The following DGKI variants were observed in gnomAD, a reference collection of about 807,000 sequenced individuals.
DGKI encodes the protein DAG kinase iota.
Under a neutral mutation model 147.5 loss-of-function variants are expected in DGKI, and 55 were observed. The observed-to-expected ratio is 0.37, with a 90% confidence interval of 0.30 to 0.47. The LOEUF is 0.47. Ranked by LOEUF, DGKI falls within the 20% of genes least tolerant of loss-of-function variation. The pLI, the probability that DGKI is intolerant of heterozygous loss-of-function variation, is 1.00. For missense variants in DGKI, 1,007 were observed against 1,323.8 expected, an observed-to-expected ratio of 0.76 and a Z score of 3.71; for synonymous variants, 469 against 477.1, an observed-to-expected ratio of 0.98 and a Z score of 0.22.
chr7:137,846,200 C>G lies in DGKI; in HGVS notation c.401+262G>C, dbSNP rs1010214777. On this transcript the variant is annotated intron_variant, in intron 1 of 32. Coordinates refer to ENST00000614521, the MANE Select transcript of DGKI (RefSeq NM_001321708.2). The surrounding 1 kb of genome is among the most constrained non-coding windows in gnomAD (Gnocchi z 4.0). Reference sequence around the variant, plus strand: ...ACACACACACACACACACACACACACACAGACAAAATTTCTGTTGCTCTGA... The same window carrying G: ...ACACACACACACACACACACACACAGACAGACAAAATTTCTGTTGCTCTGA... 6.1e-5 allele frequency among the ~76,000 whole-genome samples: 9 copies of G among 146,456 alleles called. No homozygotes were observed. Among genetic ancestry groups the G allele is most frequent in the African/African-American group, 1.1e-4 (4 of 37,314 alleles).
chr7:137,469,318 G>A (rs1305947611), intron 24 of DGKI, among the ~76,000 whole-genome samples: 1 of 152,168 alleles, frequency 6.6e-6, no homozygotes, highest in African/African-American at 2.4e-5. Flanking sequence ...TGAGCAACTT[G>A]ATGCTGAGTT....
chr7:137,643,968 T>C (rs144228358), intron 6 of DGKI, among the ~76,000 whole-genome samples: 12 of 152,236 alleles, frequency 7.9e-5, no homozygotes, highest in African/African-American at 2.6e-4. Context: ...ACCCAAAAAA[T>C]GGCTATGCCT....
At chr7:137,698,184 A>G (rs1194269062) in intron 1 of DGKI, among the ~76,000 whole-genome samples, 1 of 151,884 alleles carries the variant, frequency 6.6e-6, no homozygotes, top group Non-Finnish European at 1.5e-5. Flanking sequence ...ATAGATATAT[A>G]GATAGATCCA....
Position 137,791,083 on chromosome 7 carries a change from C to T in DGKI, c.401+55379G>A, listed in dbSNP as rs188075283. On this transcript the variant is annotated intron_variant, in intron 1 of 32. Coordinates refer to ENST00000614521, the MANE Select transcript of DGKI (RefSeq NM_001321708.2). The stretch of plus-strand genomic sequence containing the variant: ...CAAGTGAGCAATGGCATGTGACAAG[C>T]ACCACATCTCAGTAACTCTCACCTC... Among the ~76,000 whole-genome samples the T allele has an allele frequency of 5.5e-4, 84 of 152,258 alleles. 1 individual carries two copies. Among genetic ancestry groups the T allele is most frequent in the Admixed American group, 4.8e-3 (74 of 15,292 alleles).
chr7:137,548,003 A>G (rs937985439), intron 20 of DGKI, among the ~76,000 whole-genome samples: 1 of 152,198 alleles, frequency 6.6e-6, no homozygotes, highest in African/African-American at 2.4e-5. Flanking sequence ...TCCCTGGAAC[A>G]AAGAGCAAAG....
At chr7:137,746,102 T>C (rs944298712) in intron 1 of DGKI, among the ~76,000 whole-genome samples, 1 of 152,204 alleles carries the variant, frequency 6.6e-6, no homozygotes, top group Admixed American at 6.5e-5. Context: ...CTAACAGAAC[T>C]GTATGTGCAG....
chr7:137,572,723 G>T, intron 18 of DGKI, 42 bp downstream of exon 18: 1 of 1,361,508 alleles, frequency 7.3e-7, no homozygotes, highest in South Asian at 1.3e-5. Context: ...CCTCAAGTCA[G>T]AGTTCACGTC....
intron 27 of DGKI, among the ~76,000 whole-genome samples, chr7:137,458,215 A>T (rs1473490151): frequency 6.6e-6 from 1 of 152,192 alleles, no homozygotes; most frequent in Admixed American, 6.5e-5. Context: ...CACACATTAT[A>T]GTTAAACATT....
Position 137,606,938 on chromosome 7 carries a change from C to A in DGKI, c.1167+2028G>T, listed in dbSNP as rs376205724. On this transcript the variant is annotated intron_variant, in intron 10 of 32. Coordinates refer to ENST00000614521, the MANE Select transcript of DGKI (RefSeq NM_001321708.2). The stretch of plus-strand genomic sequence containing the variant: ...ACAGATTCAATGGTGGACCTGTACC[C>A]CAACAGTGAAGACGCACATAGAGCA... Among the ~76,000 whole-genome samples the A allele has an allele frequency of 5.9e-5, 9 of 152,248 alleles. No individual in the cohort carries two copies. In the East Asian group the frequency reaches 7.7e-4, roughly 13 times the overall value.
intron 1 of DGKI, among the ~76,000 whole-genome samples, chr7:137,711,599 G>C (rs1314591937): frequency 6.7e-6 from 1 of 149,290 alleles, no homozygotes; most frequent in Non-Finnish European, 1.5e-5. Flanking sequence ...GAAGAGCACA[G>C]AATTTGCAGT....
At chr7:137,732,125 A>G (rs1171349374) in intron 1 of DGKI, among the ~76,000 whole-genome samples, 1 of 152,092 alleles carries the variant, frequency 6.6e-6, no homozygotes, top group Non-Finnish European at 1.5e-5. Flanking sequence ...ATCTATATAA[A>G]TATTAGCTAG....
chr7:137,633,066 C>T (rs1391229889), intron 6 of DGKI, among the ~76,000 whole-genome samples: 2 of 151,556 alleles, frequency 1.3e-5, no homozygotes, highest in African/African-American at 2.4e-5. Context: ...TACAAAATTA[C>T]TCGGGCGTGG....
At chr7:137,491,607 A>C (rs1421448494) in intron 21 of DGKI, among the ~76,000 whole-genome samples, 1 of 152,210 alleles carries the variant, frequency 6.6e-6, no homozygotes, top group African/African-American at 2.4e-5. Flanking sequence ...TAGTTACCTA[A>C]ATGAGATGCT....
At chr7:137,623,362 T>A (rs990480462) in intron 7 of DGKI, 121 bp downstream of exon 7, 3 of 903,168 alleles carry the variant, frequency 3.3e-6, no homozygotes, top group South Asian at 1.4e-5. Context: ...GGATCCTATA[T>A]GAGAAAAGCA....
At chr7:137,444,204 A>G in intron 27 of DGKI, 102 bp from the exon 28 acceptor site, 1 of 721,314 alleles carries the variant, frequency 1.4e-6, no homozygotes, top group Non-Finnish European at 2.3e-6. Flanking sequence ...AATTAAATGG[A>G]AAGTCAATAT....
intron 21 of DGKI, among the ~76,000 whole-genome samples, chr7:137,504,799 C>A (rs1472150928): frequency 6.6e-6 from 1 of 151,972 alleles, no homozygotes; most frequent in Non-Finnish European, 1.5e-5. Flanking sequence ...AGGAGAAAAG[C>A]TAGATAAGCT....
chr7:137,483,473 T>C (rs1815442565), intron 23 of DGKI, among the ~76,000 whole-genome samples: 1 of 152,116 alleles, frequency 6.6e-6, no homozygotes, highest in South Asian at 2.1e-4. Context: ...CTTGGGTACA[T>C]GTGCAGGATA....
intron 6 of DGKI, 103 bp downstream of exon 6, chr7:137,645,368 CT>C: frequency 1.1e-6 from 1 of 915,962 alleles, no homozygotes; most frequent in Non-Finnish European, 1.6e-6. Context: ...CAGAAAGGAA[CT>C]GATGCAGTGA....
intron 21 of DGKI, among the ~76,000 whole-genome samples, chr7:137,490,482 T>C (rs896583342): frequency 6.6e-6 from 1 of 152,214 alleles, no homozygotes; most frequent in African/African-American, 2.4e-5. Context: ...TCTTTTAATT[T>C]AGCATAGTAC....
Sources: gnomAD v4.1 joint callset for allele counts (sites outside exome capture counted in the v4.1 genomes callset) on GRCh38, gnomAD v4.1.1 for gene constraint, Gnocchi (gnomAD v3.1) non-coding constraint, MANE v1.5 for transcripts, NCBI Gene and HGNC (gene_info 2026-07-23, HGNC 2026-07-21) for gene names.